Variants in RIMS4 observed in about 807,000 individuals in gnomAD.
RIMS4 encodes regulating synaptic membrane exocytosis protein 4.
Under a neutral mutation model 29.0 loss-of-function variants are expected in RIMS4, and 9 were observed. The observed-to-expected ratio is 0.31, with a 90% CI of 0.19 to 0.54. The LOEUF is 0.54. RIMS4 is among the 20% of genes least tolerant of loss of function. The pLI is 0.94. For missense variants in RIMS4, 193 were observed against 365.7 expected (o/e 0.53, Z 3.85); for synonymous variants, 130 against 152.9 (o/e 0.85, Z 1.10).
At chr20:44,762,502 G>T (rs529434527) in intron 2 of RIMS4, among the ~76,000 whole-genome samples, 1 of 152,278 alleles carries the variant, frequency 6.6e-6, no homozygotes, top group East Asian at 1.9e-4. Context: ...GCAGAGGGAG[G>T]CCCTCTGCAG....
intron 1 of RIMS4, among the ~76,000 whole-genome samples, chr20:44,799,576 G>C (rs1001993995): frequency 1.3e-5 from 2 of 152,166 alleles, no homozygotes; most frequent in Non-Finnish European, 2.9e-5. Context: ...TTTCATTAGA[G>C]GACCCAATTA....
At chr20:44,769,504 G>C (rs1401374209) in intron 2 of RIMS4, among the ~76,000 whole-genome samples, 1 of 152,206 alleles carries the variant, frequency 6.6e-6, no homozygotes, top group Non-Finnish European at 1.5e-5. Flanking sequence ...TGAGCTTCCT[G>C]ACTCCCTGAG....
rs550240840 is a variant in RIMS4 at position 44,756,043 on chromosome 20, C to T, written c.*91G>A. On this transcript the variant is annotated 3_prime_UTR_variant, in exon 6 of 6. Transcript: ENST00000372851. The surrounding 1 kb of genome is among the most constrained non-coding windows in gnomAD (Gnocchi z 5.9). ...TCCCCACTGTGGGGGAGAGCCCCGT[C>T]CTCCTGTTCAATGTGCCCCTGGGCC... 164 of 1,015,302 alleles carry T rather than the reference C, an allele frequency of 1.6e-4. No homozygotes were observed. The highest frequency in any genetic ancestry group is 3.4e-4 in the Middle Eastern group (1 of 2,968). 62.9% of individuals were successfully genotyped at this position (1,015,302 alleles called of 1,614,324 possible).
At chr20:44,797,143 T>C (rs990951183) in intron 1 of RIMS4, among the ~76,000 whole-genome samples, 2 of 152,242 alleles carry the variant, frequency 1.3e-5, no homozygotes, top group Non-Finnish European at 2.9e-5. Context: ...CCCTCTTTCC[T>C]GGGTGGGATA....
chr20:44,790,623 C>G (rs964943745), intron 1 of RIMS4, among the ~76,000 whole-genome samples: 1 of 152,230 alleles, frequency 6.6e-6, no homozygotes, highest in Admixed American at 6.5e-5. Context: ...CACCTAGGGC[C>G]TGGCCCAGTG....
At chr20:44,781,341 G>A (rs547697201) in intron 1 of RIMS4, among the ~76,000 whole-genome samples, 1 of 152,208 alleles carries the variant, frequency 6.6e-6, no homozygotes, top group South Asian at 2.1e-4. Flanking sequence ...GATATACACA[G>A]AGTATTATGG....
chr20:44,777,089 G>A (rs970698990), intron 1 of RIMS4, among the ~76,000 whole-genome samples: 1 of 152,148 alleles, frequency 6.6e-6, no homozygotes, highest in African/African-American at 2.4e-5. Flanking sequence ...ACTTCTCTTG[G>A]GGTAACTATT....
rs777493239 is a variant in RIMS4 at position 44,757,787 on chromosome 20, A to G, written c.350-16T>C. On this transcript the variant is annotated splice_polypyrimidine_tract_variant and intron_variant, in intron 3 of 5. Coordinates refer to ENST00000372851, the MANE Select transcript of RIMS4 (RefSeq NM_182970.4). ...TCCACATCCCCTGGAAGAGGCACCA[A>G]GAGATGAGACTGGGAAATGGTTCAG... is the stretch of plus-strand genomic sequence containing the variant. 8 of 1,602,988 alleles carry G rather than the reference A, an allele frequency of 5.0e-6. No homozygotes were observed. In the East Asian group the frequency reaches 1.8e-4, roughly 36 times the overall value.
Position 44,756,947 on chromosome 20 carries a change from T to A in RIMS4, c.542A>T (p.Tyr181Phe). The A allele has an allele frequency of 6.2e-7, 1 of 1,614,070 alleles. No individual in the cohort carries two copies. The highest frequency in any genetic ancestry group is 8.5e-7 in the Non-Finnish European group (1 of 1,179,980). ...CTCAGGAAACAGCAGCACCTGGTTA[T>A]ACAGTGGGTCCAGCGACTTGCGAGC... ...KVARKSLDPL[Y>F]NQVLLFPESP... The change falls in exon 5 of 6, where the codon TAT becomes TTT. Residue 181 changes from tyrosine (Y) to phenylalanine (F), a missense_variant. Transcript: ENST00000372851. This position sits in a 1 kb window ranked among gnomAD's most constrained non-coding sequence, Gnocchi z 5.9.
chr20:44,789,446 G>A (rs1262159238), intron 1 of RIMS4, among the ~76,000 whole-genome samples: 2 of 152,158 alleles, frequency 1.3e-5, no homozygotes, highest in African/African-American at 2.4e-5. Context: ...GCAGGCACCC[G>A]CCACCACACC....
At position 44,756,020 on chromosome 20, in the gene RIMS4, C is replaced by G. The variant is rs1045092930; in HGVS notation, c.*114G>C. The G allele has an allele frequency of 2.2e-5, 19 of 853,500 alleles. No homozygotes were observed. Among genetic ancestry groups the G allele is most frequent in the Non-Finnish European group, 3.2e-5 (17 of 535,954 alleles). The allele number at this position is 853,500 out of a possible 1,614,324, so 52.9% of individuals were successfully genotyped here. A position where few individuals can be genotyped will look rare whatever the true frequency, so the allele number is the denominator to read the frequency against. On this transcript the variant is annotated 3_prime_UTR_variant, in exon 6 of 6. Coordinates refer to ENST00000372851, the MANE Select transcript of RIMS4 (RefSeq NM_182970.4). This position sits in a 1 kb window ranked among gnomAD's most constrained non-coding sequence, Gnocchi z 5.9. ...GGGGCAGGTCTCCCCGTTCTGCTTCCCCACTGTGGGGGAGAGCCCCGTCCT... is the reference window on the plus strand; with the variant it reads ...GGGGCAGGTCTCCCCGTTCTGCTTCGCCACTGTGGGGGAGAGCCCCGTCCT...
intron 1 of RIMS4, among the ~76,000 whole-genome samples, chr20:44,792,471 T>C (rs964545257): frequency 6.6e-6 from 1 of 152,170 alleles, no homozygotes; most frequent in East Asian, 1.9e-4. Context: ...TTTGTATTTT[T>C]AGTAGAGACA....
In RIMS4 at chr20:44,753,505, GA is replaced by G; in HGVS notation, c.*2628del. 6.6e-6 allele frequency: 1 copy of G among 152,570 alleles called. No individual in the cohort carries two copies. Among genetic ancestry groups the G allele is most frequent in the Non-Finnish European group, 1.5e-5 (1 of 68,248 alleles). 9.5% of individuals were successfully genotyped at this position (152,570 alleles called of 1,614,324 possible). A position where few individuals can be genotyped will look rare whatever the true frequency, so the allele number is the denominator to read the frequency against. On this transcript the variant is annotated 3_prime_UTR_variant, in exon 6 of 6. Coordinates refer to ENST00000372851, the MANE Select transcript of RIMS4 (RefSeq NM_182970.4). ...TGCATGTGATCTTGGCCCAGAGATT[GA>G]AAACAGTCATCCCCTGGAGACCCCA... is the stretch of plus-strand genomic sequence containing the variant.
At chr20:44,780,053 G>A (rs1235996094) in intron 1 of RIMS4, among the ~76,000 whole-genome samples, 1 of 152,114 alleles carries the variant, frequency 6.6e-6, no homozygotes, top group African/African-American at 2.4e-5. Flanking sequence ...GAGGGGAAAA[G>A]GCCTGTAATA....
chr20:44,784,980 G>A (rs2066201433), intron 1 of RIMS4, among the ~76,000 whole-genome samples: 1 of 152,220 alleles, frequency 6.6e-6, no homozygotes, highest in African/African-American at 2.4e-5. Context: ...TGGGGCCTGA[G>A]ATTCAGCACT....
chr20:44,775,441 G>C (rs1040368182), intron 1 of RIMS4, among the ~76,000 whole-genome samples: 1 of 152,170 alleles, frequency 6.6e-6, no homozygotes, highest in Non-Finnish European at 1.5e-5. Flanking sequence ...GGCAGAGCTA[G>C]AAGTGTCTGG....
intron 2 of RIMS4, among the ~76,000 whole-genome samples, chr20:44,766,253 A>G (rs575100627): frequency 6.6e-6 from 1 of 152,284 alleles, no homozygotes; most frequent in South Asian, 2.1e-4. Flanking sequence ...CACTCCAGGG[A>G]ACCACTATCA....
intron 1 of RIMS4, among the ~76,000 whole-genome samples, chr20:44,781,000 C>T (rs2066181996): frequency 1.3e-5 from 2 of 152,226 alleles, no homozygotes; most frequent in Non-Finnish European, 2.9e-5. Flanking sequence ...GGAAACGTTA[C>T]TCTCACTTAT....
At chr20:44,759,770 C>T (rs920604089) in intron 2 of RIMS4, among the ~76,000 whole-genome samples, 1 of 152,226 alleles carries the variant, frequency 6.6e-6, no homozygotes, top group Non-Finnish European at 1.5e-5. Context: ...AATGGCCTGC[C>T]CTCAGGCAAA....
Sources: gnomAD v4.1 joint callset for allele counts (sites outside exome capture counted in the v4.1 genomes callset) on GRCh38, gnomAD v4.1.1 for gene constraint, Gnocchi (gnomAD v3.1) non-coding constraint, MANE v1.5 for transcripts, NCBI Gene and HGNC (gene_info 2026-07-23, HGNC 2026-07-21) for gene names.